IL1RAPL2: variants seen among roughly 807,000 people sequenced by gnomAD.
IL1RAPL2 encodes X-linked interleukin-1 receptor accessory protein-like 2.
Under a neutral mutation model 44.1 loss-of-function variants are expected in IL1RAPL2, and 3 were observed. The observed-to-expected ratio is 0.07, with a 90% confidence interval of 0.03 to 0.18. The LOEUF is 0.18. Ranked by LOEUF, IL1RAPL2 falls within the 10% of genes least tolerant of loss-of-function variation. IL1RAPL2 has a pLI of 1.00. For missense variants in IL1RAPL2, 391 were observed against 496.4 expected (o/e 0.79, Z 2.02); for synonymous variants, 181 against 178.8 (o/e 1.01, Z -0.10).
intron 2 of IL1RAPL2, among the ~76,000 whole-genome samples, chrX:104,674,978 T>G (rs1418631720): frequency 1.8e-5 from 2 of 108,842 alleles, no homozygotes; most frequent in South Asian, 4.0e-4. Flanking sequence ...GTCTATTTGA[T>G]TCTTCTCTCT....
chrX:105,747,448 T>TTCTCTCTC (rs746410456), intron 8 of IL1RAPL2, among the ~76,000 whole-genome samples: 2 of 84,647 alleles, frequency 2.4e-5, no homozygotes, highest in Non-Finnish European at 4.5e-5. Context: ...TGATTGGCTG[T>TTCTCTCTC]TCTCTCTCTC....
intron 9 of IL1RAPL2, among the ~76,000 whole-genome samples, chrX:105,751,428 C>A (rs776959528): frequency 6.3e-5 from 7 of 111,536 alleles, no homozygotes; most frequent in Non-Finnish European, 7.5e-5. Flanking sequence ...ATCACTGATA[C>A]CCAATAACCT....
intron 2 of IL1RAPL2, among the ~76,000 whole-genome samples, chrX:104,952,598 C>T (rs1390755800): frequency 9.0e-6 from 1 of 111,365 alleles, no homozygotes; most frequent in African/African-American, 3.3e-5. Flanking sequence ...TTTTGGGGTA[C>T]ACCCTAGGCC....
intron 3 of IL1RAPL2, among the ~76,000 whole-genome samples, chrX:105,227,083 AG>A (rs1301267712): frequency 2.5e-5 from 1 of 40,360 alleles, no homozygotes; most frequent in African/African-American, 1.1e-4. Context: ...GGGTGGGGGG[AG>A]GGGGGAGGGA....
chrX:105,597,624 C>T (rs1164137946), intron 6 of IL1RAPL2, among the ~76,000 whole-genome samples: 1 of 111,132 alleles, frequency 9.0e-6, no homozygotes, highest in East Asian at 2.9e-4. Flanking sequence ...AATGACCAGA[C>T]GTCATGAGGA....
At chrX:105,625,892 A>C (rs2037449924) in intron 6 of IL1RAPL2, among the ~76,000 whole-genome samples, 1 of 112,066 alleles carries the variant, frequency 8.9e-6, no homozygotes, top group South Asian at 3.7e-4. Flanking sequence ...TTAGAGATTC[A>C]TTTAAATATT....
At chrX:104,666,157 C>A (rs2148026275) in intron 2 of IL1RAPL2, among the ~76,000 whole-genome samples, 1 of 110,343 alleles carries the variant, frequency 9.1e-6, no homozygotes, top group East Asian at 2.9e-4. Flanking sequence ...AGCAGCAAAA[C>A]AATCCATACA....
chrX:105,548,882 C>T (rs1031731090), intron 6 of IL1RAPL2, among the ~76,000 whole-genome samples: 3 of 112,212 alleles, frequency 2.7e-5, no homozygotes, highest in South Asian at 3.8e-4. Flanking sequence ...ATCTTTTTTA[C>T]GTCTCTTCAC....
At chrX:105,396,954 C>G (rs2035567805) in intron 5 of IL1RAPL2, among the ~76,000 whole-genome samples, 1 of 110,899 alleles carries the variant, frequency 9.0e-6, no homozygotes, top group African/African-American at 3.3e-5. Flanking sequence ...CAGCTGCTCC[C>G]CATCACTCAT....
intron 5 of IL1RAPL2, among the ~76,000 whole-genome samples, chrX:105,377,951 G>C (rs774227865): frequency 9.0e-6 from 1 of 111,629 alleles, no homozygotes; most frequent in Non-Finnish European, 1.9e-5. Context: ...ACTATAAAAA[G>C]TAAGCAAATC....
intron 6 of IL1RAPL2, among the ~76,000 whole-genome samples, chrX:105,679,178 C>CTACT (rs1364852045): frequency 9.0e-6 from 1 of 111,345 alleles, no homozygotes; most frequent in Non-Finnish European, 1.9e-5. Flanking sequence ...ACTTGAGGCT[C>CTACT]TACTTAAGTT....
chrX:104,705,618 G>T (rs2147554611), intron 2 of IL1RAPL2, among the ~76,000 whole-genome samples: 1 of 111,677 alleles, frequency 9.0e-6, no homozygotes, highest in African/African-American at 3.2e-5. Flanking sequence ...TGCACGAAAT[G>T]GAACCCCAGA....
intron 4 of IL1RAPL2, among the ~76,000 whole-genome samples, chrX:105,251,909 C>T (rs1157059891): frequency 2.7e-5 from 3 of 110,899 alleles, no homozygotes; most frequent in Non-Finnish European, 5.7e-5. Context: ...ATCTCAGATT[C>T]TAATTTAAGG....
chrX:104,773,016 C>T (rs1465026845), intron 2 of IL1RAPL2, among the ~76,000 whole-genome samples: 1 of 110,832 alleles, frequency 9.0e-6, no homozygotes, highest in African/African-American at 3.3e-5. Context: ...CTCCAGTGAT[C>T]CTCCCACCTC....
chrX:104,886,782 G>A, intron 2 of IL1RAPL2, among the ~76,000 whole-genome samples: 1 of 112,196 alleles, frequency 8.9e-6, no homozygotes, highest in African/African-American at 3.2e-5. Flanking sequence ...TATGTGGACG[G>A]TCTTGCCCCA....
intron 2 of IL1RAPL2, among the ~76,000 whole-genome samples, chrX:104,952,991 A>T (rs1327377884): frequency 3.6e-5 from 4 of 112,073 alleles, no homozygotes; most frequent in African/African-American, 1.3e-4. Context: ...ATAGTGTATT[A>T]GGTGTGATTA....
intron 2 of IL1RAPL2, among the ~76,000 whole-genome samples, chrX:104,807,490 G>A (rs186517289): frequency 1.1e-4 from 12 of 111,594 alleles, no homozygotes; most frequent in African/African-American, 3.6e-4. Context: ...ACATCTCTTA[G>A]GAGAGTTTTT....
At chrX:104,762,300 G>C (rs1352981963) in intron 2 of IL1RAPL2, among the ~76,000 whole-genome samples, 1 of 111,180 alleles carries the variant, frequency 9.0e-6, no homozygotes, top group Non-Finnish European at 1.9e-5. Flanking sequence ...CACCTGGCCA[G>C]GGAGGTCAAA....
intron 6 of IL1RAPL2, among the ~76,000 whole-genome samples, chrX:105,524,070 T>A (rs1031438055): frequency 8.9e-6 from 1 of 111,736 alleles, no homozygotes; most frequent in Non-Finnish European, 1.9e-5. Flanking sequence ...TATTGCACAG[T>A]CATTGAGATA....
Sources: gnomAD v4.1 joint callset for allele counts (sites outside exome capture counted in the v4.1 genomes callset) on GRCh38, gnomAD v4.1.1 for gene constraint, MANE v1.5 for transcripts, NCBI Gene and HGNC (gene_info 2026-07-23, HGNC 2026-07-21) for gene names.